The following DRC7 variants were observed in gnomAD, a reference collection of about 807,000 sequenced individuals.
DRC7 encodes the protein dynein regulatory complex subunit 7, also known as coiled-coil domain containing 135.
Under a neutral mutation model 104.4 loss-of-function variants are expected in DRC7, and 80 were observed. That is an observed-to-expected ratio of 0.77 (90% CI 0.64 to 0.92). The LOEUF is 0.92. Among genes scored for constraint, DRC7 ranks in the 40% least tolerant of loss-of-function variants. DRC7 has a pLI of 0.00. For missense variants in DRC7, 1,034 were observed against 1,141.1 expected, an observed-to-expected ratio of 0.91 and a Z score of 1.35; for synonymous variants, 405 against 447.3, an observed-to-expected ratio of 0.91 and a Z score of 1.19.
At chr16:57,720,699 T>C (rs79596313) in intron 9 of DRC7, among the ~76,000 whole-genome samples, 2,835 of 152,290 alleles carry the variant, frequency 0.019, 99 homozygotes, top group African/African-American at 0.064. Flanking sequence ...TTTTTGACAA[T>C]ACTAACTGCT....
chr16:57,713,098 T>A (rs2048805765), intron 8 of DRC7, among the ~76,000 whole-genome samples: 1 of 152,242 alleles, frequency 6.6e-6, no homozygotes, highest in Non-Finnish European at 1.5e-5. Context: ...CTTCTATTAT[T>A]TTACACTTGC....
Position 57,721,633 on chromosome 16 carries a change from G to C in DRC7, c.1207-34G>C, listed in dbSNP as rs754619166. ...AACTTCTGCTTCAACACCCTGACCA[G>C]CACCACCTCCCCCACCCCCTTCTCT... On this transcript the variant is annotated intron_variant, in intron 9 of 18. Transcript: ENST00000360716. 6 of 1,554,338 alleles carry C rather than the reference G, an allele frequency of 3.9e-6. No individual in the cohort carries two copies. In the East Asian group the frequency reaches 1.3e-4, roughly 35 times the overall value.
chr16:57,729,161 AATGGATGAGTGG>A (rs2049014229), intron 17 of DRC7, among the ~76,000 whole-genome samples: 1 of 51,524 alleles, frequency 1.9e-5, no homozygotes, highest in Non-Finnish European at 3.1e-5. Context: ...TGGATGGATG[AATGGATGAGTGG>A]GTGGGTAGAT....
At position 57,698,954 on chromosome 16, in the gene DRC7, G is replaced by A. The variant is rs202029235; in HGVS notation, c.308G>A (p.Arg103His). ...HLLQVADNFS[R>H]QYSHLCPDRV... ...CTGCAGGTGGCAGACAACTTCTCCCGCCAGTACAGCCATCTGTGCCCGGAC... is the reference window on the plus strand; with the variant it reads ...CTGCAGGTGGCAGACAACTTCTCCCACCAGTACAGCCATCTGTGCCCGGAC... The change falls in exon 4 of 19, where the codon CGC becomes CAC. Residue 103 changes from arginine (R) to histidine (H), a missense_variant. Coordinates refer to ENST00000360716, the MANE Select transcript of DRC7 (RefSeq NM_001289162.2). The A allele has an allele frequency of 6.8e-6, 11 of 1,614,052 alleles. No homozygotes were observed. The highest frequency in any genetic ancestry group is 3.3e-5 in the South Asian group (3 of 91,088).
intron 7 of DRC7, among the ~76,000 whole-genome samples, chr16:57,706,595 C>T (rs182320206): frequency 2.3e-5 from 3 of 128,984 alleles, no homozygotes; most frequent in Admixed American, 1.5e-4. Context: ...TCCTCCCATC[C>T]GTCCATCCTC....
chr16:57,707,553 T>G lies in DRC7; in HGVS notation c.952T>G (p.Phe318Val), dbSNP rs775406042. 1 of 1,613,596 alleles carries G rather than the reference T, an allele frequency of 6.2e-7. No homozygotes were observed. Among genetic ancestry groups the G allele is most frequent in the Non-Finnish European group, 8.5e-7 (1 of 1,180,010 alleles). The change falls in exon 8 of 19, where the codon TTC (phenylalanine) becomes GTC (valine). Residue 318 changes from phenylalanine to valine, a missense_variant. Physicochemically the swap from Phe to Val is conservative, Grantham distance 50. Transcript: ENST00000360716. ...GGGGAAGCGCGAGGTGCCTGAGAAC[T>G]TCTTCATCGACCCATTCACAGGACA... ...LSGKREVPENFFIDPFTGHSY... is the reference protein window; with the variant it reads ...LSGKREVPENVFIDPFTGHSY...
chr16:57,719,463 T>C (rs1169487797), intron 9 of DRC7, among the ~76,000 whole-genome samples: 1 of 152,208 alleles, frequency 6.6e-6, no homozygotes, highest in African/African-American at 2.4e-5. Flanking sequence ...GTCTTCCCTC[T>C]GTACAAATCT....
intron 9 of DRC7, 132 bp downstream of exon 9, chr16:57,718,607 G>C: frequency 8.8e-7 from 1 of 1,134,534 alleles, no homozygotes; most frequent in East Asian, 2.5e-5. Context: ...CCTCAAAGCA[G>C]GAAGGCTTGA....
In DRC7 at chr16:57,721,996, G is replaced by A. The variant is rs560741191; in HGVS notation, c.1279+257G>A. 3.9e-5 allele frequency among the ~76,000 whole-genome samples: 6 copies of A among 152,286 alleles called. No individual in the cohort carries two copies. The South Asian group carries it at 8.3e-4, about 21-fold the overall frequency. On this transcript the variant is annotated intron_variant, in intron 10 of 18. Transcript: ENST00000360716. ...CAGTGAGCATGTGTGGGATGATGGCGTGTAGGTGACAGCAAGGCCTGGAAA... is the reference window on the plus strand; with the variant it reads ...CAGTGAGCATGTGTGGGATGATGGCATGTAGGTGACAGCAAGGCCTGGAAA...
intron 2 of DRC7, 81 bp from the exon 3 acceptor site, chr16:57,697,832 T>TC: frequency 1.4e-6 from 2 of 1,481,264 alleles, no homozygotes. Context: ...CTCCCAGGCC[T>TC]CCCGGGGATG....
At position 57,705,025 on chromosome 16, in the gene DRC7, G is replaced by A. The variant is rs368993624; in HGVS notation, c.849G>A (p.Glu283=). ...AGAAGCGGCTGAGGGAGGAGGAGGAGCGCCTCATGGTGGGTCCTCAGCCCT... is the reference window on the plus strand; with the variant it reads ...AGAAGCGGCTGAGGGAGGAGGAGGAACGCCTCATGGTGGGTCCTCAGCCCT... ...QEKKRLREEE[E]RLMEAEKAKP... The change falls in exon 7 of 19, where the codon GAG becomes GAA. Residue 283 remains glutamate (E), a synonymous_variant. Coordinates refer to ENST00000360716, the MANE Select transcript of DRC7 (RefSeq NM_001289162.2). 16 of 1,611,888 alleles carry A rather than the reference G, an allele frequency of 9.9e-6. No homozygotes were observed. The African/African-American group carries it at 1.6e-4, about 16-fold the overall frequency.
rs376617944 is a variant in DRC7, at chr16:57,724,740, C to T, written c.1663C>T (p.Arg555Cys). The T allele has an allele frequency of 8.9e-5, 144 of 1,613,748 alleles. No homozygotes were observed. The highest frequency in any genetic ancestry group is 1.1e-4 in the Non-Finnish European group (128 of 1,179,998). Residue 555 changes from arginine (R) to cysteine (C), a missense_variant, in exon 13 of 19, where the codon CGC becomes TGC. Transcript: ENST00000360716. ...PRTMTEYYQG[R>C]PDFLSYRHAS... ...GACAATGACAGAGTACTATCAAGGA[C>T]GCCCAGACTTCCTCTCCTACCGCCA...
intron 17 of DRC7, among the ~76,000 whole-genome samples, chr16:57,730,153 A>C (rs2049042095): frequency 8.7e-6 from 1 of 115,486 alleles, no homozygotes; most frequent in Non-Finnish European, 1.6e-5. Context: ...GGATGGATGG[A>C]TGGATGGATG....
intron 17 of DRC7, among the ~76,000 whole-genome samples, chr16:57,728,806 G>A (rs2049005881): frequency 6.7e-6 from 1 of 148,592 alleles, no homozygotes; most frequent in African/African-American, 2.5e-5. Flanking sequence ...GTATGGATAG[G>A]TGGGTGGGTG....
At chr16:57,708,759 A>G (rs534569557) in intron 8 of DRC7, among the ~76,000 whole-genome samples, 1 of 152,262 alleles carries the variant, frequency 6.6e-6, no homozygotes, top group Non-Finnish European at 1.5e-5. Flanking sequence ...ATCCTTGCCA[A>G]TACTGGATAC....
intron 2 of DRC7, among the ~76,000 whole-genome samples, chr16:57,696,877 T>C (rs1241889539): frequency 6.6e-6 from 1 of 152,216 alleles, no homozygotes; most frequent in Non-Finnish European, 1.5e-5. Flanking sequence ...GTAGATCATA[T>C]CACCTTACCG....
rs568798360 is a variant in DRC7, at chr16:57,717,614, G to A, written c.1078-733G>A. ...CTCAGGAGGCTGAGGCAGGAAAATC[G>A]CTTGAACCTGGGAGGCAGAGGTTGC... On this transcript the variant is annotated intron_variant, in intron 8 of 18. Transcript: ENST00000360716. Among the ~76,000 whole-genome samples the A allele has an allele frequency of 6.6e-5, 10 of 151,462 alleles. No homozygotes were observed. In the East Asian group the frequency reaches 1.2e-3, roughly 18 times the overall value.
At chr16:57,719,313 C>T (rs982175574) in intron 9 of DRC7, among the ~76,000 whole-genome samples, 5 of 152,146 alleles carry the variant, frequency 3.3e-5, no homozygotes, top group Non-Finnish European at 7.3e-5. Context: ...ACCACAGATG[C>T]GGTTGCTTAA....
chr16:57,699,083 C>T (rs780773619), intron 4 of DRC7, 59 bp downstream of exon 4: 2 of 1,574,086 alleles, frequency 1.3e-6, no homozygotes, highest in Non-Finnish European at 1.7e-6. Context: ...GCAGAGGGCA[C>T]AGGGAAGTGG....
Sources: allele counts gnomAD v4.1 joint callset (sites outside exome capture counted in the v4.1 genomes callset), GRCh38; gene constraint gnomAD v4.1.1; transcripts MANE v1.5; gene names NCBI Gene and HGNC (gene_info 2026-07-23, HGNC 2026-07-21).